GRIN2A: variants seen among roughly 807,000 people sequenced by gnomAD.
GRIN2A encodes the protein glutamate receptor ionotropic, NMDA 2A.
A neutral mutation model predicts 113.4 loss-of-function variants in GRIN2A; 22 were observed. That is an observed-to-expected ratio of 0.19 (90% CI 0.14 to 0.28). The LOEUF is 0.28. Among genes scored for constraint, GRIN2A ranks in the 10% least tolerant of loss-of-function variants. The pLI is 1.00. For synonymous variants in GRIN2A, 827 were observed against 738.4 expected (o/e 1.12, Z -1.94); for missense variants, 1,502 against 1,887.0 (o/e 0.80, Z 3.78).
intron 4 of GRIN2A, among the ~76,000 whole-genome samples, chr16:9,870,190 C>T (rs2043232442): frequency 6.6e-6 from 1 of 152,114 alleles, no homozygotes; most frequent in African/African-American, 2.4e-5. Context: ...AATCCAAAGG[C>T]CTGGCAATTA....
At chr16:10,145,460 A>G (rs1412468006) in intron 2 of GRIN2A, among the ~76,000 whole-genome samples, 2 of 152,124 alleles carry the variant, frequency 1.3e-5, no homozygotes, top group Admixed American at 1.3e-4. Context: ...CAAATTATGT[A>G]TATTAAACAC....
intron 2 of GRIN2A, among the ~76,000 whole-genome samples, chr16:10,087,262 G>C (rs553781757): frequency 1.3e-5 from 2 of 150,966 alleles, no homozygotes; most frequent in African/African-American, 5.0e-5. Flanking sequence ...GAATGTAATA[G>C]ATTATGTTAT....
At chr16:10,015,095 A>G (rs1329826771) in intron 2 of GRIN2A, among the ~76,000 whole-genome samples, 1 of 151,808 alleles carries the variant, frequency 6.6e-6, no homozygotes, top group Non-Finnish European at 1.5e-5. Context: ...CTCTACTAAA[A>G]GTACAAAAAT....
intron 2 of GRIN2A, among the ~76,000 whole-genome samples, chr16:10,085,898 G>A (rs930060995): frequency 6.6e-6 from 1 of 152,098 alleles, no homozygotes; most frequent in African/African-American, 2.4e-5. Context: ...CAACCAGTCT[G>A]GCCCCAAAGT....
chr16:9,830,006 C>G (rs190376000), intron 8 of GRIN2A, among the ~76,000 whole-genome samples: 115 of 152,278 alleles, frequency 7.6e-4, no homozygotes, highest in African/African-American at 2.7e-3. Context: ...ATAAAGAGAG[C>G]CTGACAAAAA....
At chr16:9,855,448 G>A (rs1220145499) in intron 4 of GRIN2A, among the ~76,000 whole-genome samples, 2 of 152,158 alleles carry the variant, frequency 1.3e-5, no homozygotes, top group Non-Finnish European at 2.9e-5. Context: ...TGTAGCAGAA[G>A]AACTAATTGA....
intron 2 of GRIN2A, among the ~76,000 whole-genome samples, chr16:10,003,334 T>A (rs185545584): frequency 3.7e-4 from 56 of 152,088 alleles, no homozygotes; most frequent in African/African-American, 1.3e-3. Context: ...GTAATTACCA[T>A]AAAGGATTCC....
At chr16:9,998,420 G>C (rs1033521813) in intron 2 of GRIN2A, among the ~76,000 whole-genome samples, 2 of 152,148 alleles carry the variant, frequency 1.3e-5, no homozygotes, top group Non-Finnish European at 2.9e-5. Flanking sequence ...ATACTTAATA[G>C]ATACAGAATT....
chr16:9,900,833 G>T (rs1343770441), intron 3 of GRIN2A, among the ~76,000 whole-genome samples: 1 of 152,148 alleles, frequency 6.6e-6, no homozygotes, highest in East Asian at 1.9e-4. Flanking sequence ...TGGCACAAGA[G>T]CCAGTGGAAC....
At chr16:9,774,846 G>A (rs1166029254) in intron 11 of GRIN2A, among the ~76,000 whole-genome samples, 1 of 152,174 alleles carries the variant, frequency 6.6e-6, no homozygotes, top group Non-Finnish European at 1.5e-5. Flanking sequence ...CAGGGAAGCT[G>A]GGGGGTGGGA....
intron 4 of GRIN2A, among the ~76,000 whole-genome samples, chr16:9,857,213 A>G (rs1056270370): frequency 6.6e-6 from 1 of 152,242 alleles, no homozygotes; most frequent in Non-Finnish European, 1.5e-5. Context: ...ATTACATGTC[A>G]TATAGGATCC....
intron 2 of GRIN2A, among the ~76,000 whole-genome samples, chr16:9,949,772 G>A (rs1045763380): frequency 6.6e-6 from 1 of 152,148 alleles, no homozygotes; most frequent in South Asian, 2.1e-4. Flanking sequence ...TGGATGGACA[G>A]ATGAACAGAT....
At chr16:10,034,690 ATCT>A (rs1408772675) in intron 2 of GRIN2A, among the ~76,000 whole-genome samples, 2 of 95,600 alleles carry the variant, frequency 2.1e-5, no homozygotes, top group African/African-American at 8.4e-5. Flanking sequence ...AAACTGGTCT[ATCT>A]ATTCAGGAGA....
chr16:9,993,539 C>T (rs1377459365), intron 2 of GRIN2A, among the ~76,000 whole-genome samples: 1 of 152,056 alleles, frequency 6.6e-6, no homozygotes, highest in Non-Finnish European at 1.5e-5. Flanking sequence ...CTGGGTGACA[C>T]GAAGTGAGAA....
chr16:10,084,839 A>G (rs746236458), intron 2 of GRIN2A, among the ~76,000 whole-genome samples: 4 of 152,122 alleles, frequency 2.6e-5, no homozygotes, highest in Non-Finnish European at 4.4e-5. Context: ...TTAATGTTCC[A>G]CAACTGGGAC....
chr16:10,095,557 G>A (rs775989826), intron 2 of GRIN2A, among the ~76,000 whole-genome samples: 10 of 152,210 alleles, frequency 6.6e-5, no homozygotes, highest in Non-Finnish European at 8.8e-5. Flanking sequence ...AAGCTGGTGA[G>A]TAAAAACATG....
intron 2 of GRIN2A, among the ~76,000 whole-genome samples, chr16:10,151,703 G>C (rs1208828949): frequency 6.6e-6 from 1 of 152,048 alleles, no homozygotes; most frequent in Non-Finnish European, 1.5e-5. Flanking sequence ...CTACCATCTT[G>C]TGTTTGTCCA....
rs541907037 is a variant in GRIN2A at position 9,985,976 on chromosome 16, T to TACTC, written c.415-47429_415-47426dup. ...CCCAGAAATACATATGCCTACTTTA[T>TACTC]ACTCACAAAAATTAGAAATAAAAAA... On this transcript the variant is annotated intron_variant, in intron 2 of 12. Transcript: ENST00000330684. 5.4e-4 allele frequency among the ~76,000 whole-genome samples: 82 copies of TACTC among 152,308 alleles called. 2 individuals are homozygous for TACTC. In the South Asian group the frequency reaches 0.017, roughly 31 times the overall value.
Position 10,044,020 on chromosome 16 carries a change from T to G in GRIN2A, c.415-105469A>C, listed in dbSNP as rs28678393. On this transcript the variant is annotated intron_variant, in intron 2 of 12. Transcript: ENST00000330684. ...GTGTGTGTGTGTGTATATATATATA[T>G]ATAGAGAGAGAGAGAGAGAGAGAGA... Among the ~76,000 whole-genome samples, 525 of 116,858 alleles carry G rather than the reference T, an allele frequency of 4.5e-3. 3 individuals are homozygous for G. Among genetic ancestry groups the G allele is most frequent in the African/African-American group, 0.012 (357 of 28,984 alleles). 76.7% of individuals were successfully genotyped at this position (116,858 alleles called of 152,430 possible). A position where few individuals can be genotyped will look rare whatever the true frequency, so the allele number is the denominator to read the frequency against.
Sources: allele counts gnomAD v4.1 joint callset (sites outside exome capture counted in the v4.1 genomes callset), GRCh38; gene constraint gnomAD v4.1.1; transcripts MANE v1.5; gene names NCBI Gene and HGNC (gene_info 2026-07-23, HGNC 2026-07-21).